Variants in CCDC30 observed in about 807,000 individuals in gnomAD.
CCDC30 encodes the protein coiled-coil domain-containing protein 30.
In CCDC30, 70 loss-of-function variants were observed where a neutral mutation model predicts 100.2. That is an observed-to-expected ratio of 0.70 (90% CI 0.58 to 0.85). CCDC30 has a LOEUF of 0.85. Among genes scored for constraint, CCDC30 ranks in the 40% least tolerant of loss-of-function variants. The probability of loss-of-function intolerance (pLI) is 0.00; values close to 1 mark genes in which losing one functional copy is unlikely to be tolerated. For missense variants in CCDC30, 652 were observed against 771.2 expected (o/e 0.85, Z 1.83); for synonymous variants, 233 against 269.5 (o/e 0.86, Z 1.33).
chr1:42,575,107 A>G (rs1244549338), intron 7 of CCDC30, among the ~76,000 whole-genome samples: 1 of 152,224 alleles, frequency 6.6e-6, no homozygotes, highest in Non-Finnish European at 1.5e-5. Context: ...AGCACAGATG[A>G]AGGACATTAT....
chr1:42,586,822 C>T (rs1387144035), intron 9 of CCDC30, among the ~76,000 whole-genome samples: 2 of 152,190 alleles, frequency 1.3e-5, no homozygotes, highest in African/African-American at 4.8e-5. Flanking sequence ...AAAGAACACT[C>T]TGACTACTAA....
At chr1:42,608,473 G>A (rs910968407) in intron 10 of CCDC30, among the ~76,000 whole-genome samples, 5 of 152,136 alleles carry the variant, frequency 3.3e-5, no homozygotes, top group African/African-American at 9.7e-5. Flanking sequence ...AGGCCGAGGC[G>A]GGCGGATCAC....
chr1:42,525,984 G>C (rs1401446288), intron 6 of CCDC30, among the ~76,000 whole-genome samples: 3 of 152,120 alleles, frequency 2.0e-5, no homozygotes, highest in Non-Finnish European at 2.9e-5. Context: ...GGAAAGACTT[G>C]AAAAACTGCA....
At chr1:42,520,032 C>T (rs1236251511) in intron 6 of CCDC30, among the ~76,000 whole-genome samples, 1 of 151,928 alleles carries the variant, frequency 6.6e-6, no homozygotes, top group Admixed American at 6.6e-5. Context: ...AAAGATTTGT[C>T]AATTTTGTTG....
chr1:42,545,439 A>G (rs771527770), intron 6 of CCDC30: 2 of 1,589,484 alleles, frequency 1.3e-6, no homozygotes, highest in Non-Finnish European at 1.7e-6. Flanking sequence ...AATTTGCACA[A>G]TTAAATCATT....
At chr1:42,578,347 G>A (rs1003444676) in intron 8 of CCDC30, among the ~76,000 whole-genome samples, 2 of 152,146 alleles carry the variant, frequency 1.3e-5, no homozygotes, top group African/African-American at 4.8e-5. Flanking sequence ...GTAAGATAGT[G>A]GTTATTCTTG....
intron 6 of CCDC30, among the ~76,000 whole-genome samples, chr1:42,501,407 T>C (rs1644310563): frequency 6.6e-6 from 1 of 152,250 alleles, no homozygotes; most frequent in Non-Finnish European, 1.5e-5. Flanking sequence ...TCTGTAACTT[T>C]ATTGTAAGTC....
At position 42,558,039 on chromosome 1, in the gene CCDC30, T is replaced by TG. The variant is rs574593734; in HGVS notation, c.457-8254dup. On this transcript the variant is annotated intron_variant, in intron 6 of 16. Transcript: ENST00000668663. ...GTAACTTTCTACCAGGATTATATGG[T>TG]GGGAAAAAAAATAGAGACTCTTGTT... 4.1e-3 allele frequency: 816 copies of TG among 196,686 alleles called. 8 individuals are homozygous for TG. Among genetic ancestry groups the TG allele is most frequent in the African/African-American group, 0.019 (781 of 40,766 alleles). 12.2% of individuals were successfully genotyped at this position (196,686 alleles called of 1,614,324 possible). A position where few individuals can be genotyped will look rare whatever the true frequency, so the allele number is the denominator to read the frequency against.
chr1:42,604,584 G>C (rs1646468135), intron 10 of CCDC30, among the ~76,000 whole-genome samples: 2 of 152,174 alleles, frequency 1.3e-5, no homozygotes, highest in Non-Finnish European at 2.9e-5. Context: ...ATTTCCTTAA[G>C]GTCCACACCT....
intron 11 of CCDC30, among the ~76,000 whole-genome samples, chr1:42,617,426 C>A (rs1351505159): frequency 6.6e-6 from 1 of 152,104 alleles, no homozygotes; most frequent in Non-Finnish European, 1.5e-5. Flanking sequence ...ATGTAACACC[C>A]AATGGGTTCT....
chr1:42,536,081 A>G (rs1056687158), intron 6 of CCDC30, among the ~76,000 whole-genome samples: 1 of 152,068 alleles, frequency 6.6e-6, no homozygotes, highest in Admixed American at 6.6e-5. Context: ...TGCATCTAAC[A>G]TACTTACCAT....
At chr1:42,477,213 C>T (rs1173209945) in intron 1 of CCDC30, among the ~76,000 whole-genome samples, 1 of 151,906 alleles carries the variant, frequency 6.6e-6, no homozygotes, top group African/African-American at 2.4e-5. Context: ...GTATGTCCTA[C>T]TGCCAACATG....
At chr1:42,630,222 A>T (rs543470747) in intron 11 of CCDC30, among the ~76,000 whole-genome samples, 5 of 149,454 alleles carry the variant, frequency 3.3e-5, no homozygotes, top group African/African-American at 7.4e-5. Flanking sequence ...TGATCTGCCC[A>T]CTTTGGCCTC....
intron 11 of CCDC30, among the ~76,000 whole-genome samples, chr1:42,632,898 C>T (rs1181905217): frequency 6.6e-6 from 1 of 152,016 alleles, no homozygotes; most frequent in African/African-American, 2.4e-5. Flanking sequence ...CAACATTTGC[C>T]TCCCAGGTTC....
intron 2 of CCDC30, among the ~76,000 whole-genome samples, chr1:42,481,278 A>G (rs1212731233): frequency 6.6e-6 from 1 of 151,884 alleles, no homozygotes; most frequent in East Asian, 1.9e-4. Flanking sequence ...TCCTTTTAAA[A>G]ATCACCATGG....
intron 3 of CCDC30, among the ~76,000 whole-genome samples, chr1:42,488,283 T>A (rs1644083273): frequency 6.6e-6 from 1 of 152,080 alleles, no homozygotes; most frequent in Admixed American, 6.6e-5. Context: ...ATATTACTGG[T>A]TTAGGAGGAC....
chr1:42,458,320 T>G (rs1393400817), upstream of CCDC30, among the ~76,000 whole-genome samples: 2 of 152,116 alleles, frequency 1.3e-5, no homozygotes, highest in African/African-American at 4.8e-5. Context: ...GGAAGAAATA[T>G]GGATAAGGTA....
At chr1:42,572,800 G>A (rs1218532116) in intron 7 of CCDC30, among the ~76,000 whole-genome samples, 1 of 152,044 alleles carries the variant, frequency 6.6e-6, no homozygotes, top group Non-Finnish European at 1.5e-5. Flanking sequence ...TGTACTTTTA[G>A]TAGATACAGG....
downstream of CCDC30, among the ~76,000 whole-genome samples, chr1:42,656,308 C>T (rs1037150523): frequency 6.6e-6 from 1 of 152,200 alleles, no homozygotes; most frequent in Non-Finnish European, 1.5e-5. Context: ...TAATATTGCT[C>T]TAGGACATCA....
Sources: gnomAD v4.1 joint callset for allele counts (sites outside exome capture counted in the v4.1 genomes callset) on GRCh38, gnomAD v4.1.1 for gene constraint, MANE v1.5 for transcripts, NCBI Gene and HGNC (gene_info 2026-07-23, HGNC 2026-07-21) for gene names.